The following ELOVL7 variants were observed in gnomAD, a reference collection of about 807,000 sequenced individuals.
ELOVL7 encodes very long chain fatty acid elongase 7.
Under a neutral mutation model 35.7 loss-of-function variants are expected in ELOVL7, and 27 were observed. That is an observed-to-expected ratio of 0.76 (90% CI 0.56 to 1.04). The LOEUF is 1.04. Ranked by LOEUF, ELOVL7 falls within the 50% of genes least tolerant of loss-of-function variation. The pLI is 0.00. For missense variants in ELOVL7, 327 were observed against 340.8 expected (o/e 0.96, Z 0.32); for synonymous variants, 113 against 114.6 (o/e 0.99, Z 0.09).
Position 60,771,948 on chromosome 5 carries a change from C to A in ELOVL7, c.210G>T (p.Thr70=), listed in dbSNP as rs373897782. 6 of 1,613,502 alleles carry A rather than the reference C, an allele frequency of 3.7e-6. No individual in the cohort carries two copies. The highest frequency in any genetic ancestry group is 5.1e-6 in the Non-Finnish European group (6 of 1,179,768). The change falls in exon 4 of 9, where the codon ACG becomes ACT. Residue 70 remains threonine, a synonymous_variant. Transcript: ENST00000508821. ...KPFELKKAMI[T]YNFFIVLFSV... ...AAAAGAGTACTATGAAAAAATTGTA[C>A]GTTATCATTGCTTTCTTGAGTTCAA...
chr5:60,796,414 G>A (rs1299723649), intron 2 of ELOVL7, among the ~76,000 whole-genome samples: 1 of 152,218 alleles, frequency 6.6e-6, no homozygotes, highest in Non-Finnish European at 1.5e-5. Flanking sequence ...TAGTTGTGGG[G>A]AAGTGTCCTG....
intron 3 of ELOVL7, among the ~76,000 whole-genome samples, chr5:60,779,212 A>G (rs1743087877): frequency 6.6e-6 from 1 of 152,144 alleles, no homozygotes; most frequent in Non-Finnish European, 1.5e-5. Context: ...CAAGCTGTCA[A>G]TGGATCTAGC....
rs1741340733 is a variant in ELOVL7 at position 60,752,821 on chromosome 5, T to G, written c.*1803A>C. ...AGCTGAGCATGGTGGCGGGCACCTG[T>G]AATCCCAGCTACTTGGGAGGCTGAG... On this transcript the variant is annotated 3_prime_UTR_variant, in exon 9 of 9. Coordinates refer to ENST00000508821, the MANE Select transcript of ELOVL7 (RefSeq NM_024930.3). 1 of 152,082 alleles carries G rather than the reference T, an allele frequency of 6.6e-6. No homozygotes were observed. Among genetic ancestry groups the G allele is most frequent in the South Asian group, 2.1e-4 (1 of 4,812 alleles). 9.4% of individuals were successfully genotyped at this position (152,082 alleles called of 1,614,324 possible). A position where few individuals can be genotyped will look rare whatever the true frequency, so the allele number is the denominator to read the frequency against.
At chr5:60,814,536 C>CT (rs1745413729) in intron 1 of ELOVL7, among the ~76,000 whole-genome samples, 1 of 152,202 alleles carries the variant, frequency 6.6e-6, no homozygotes, top group South Asian at 2.1e-4. Context: ...ATAACGCCCA[C>CT]TAACTGAAGG....
intron 1 of ELOVL7, 87 bp downstream of exon 1, chr5:60,844,073 T>G (rs1747352755): frequency 6.6e-6 from 1 of 152,202 alleles, no homozygotes; most frequent in East Asian, 1.9e-4. Flanking sequence ...GCCGTTCCCC[T>G]CGGCTCTGCC....
chr5:60,810,242 C>T (rs1038344095), intron 1 of ELOVL7, among the ~76,000 whole-genome samples: 1 of 152,188 alleles, frequency 6.6e-6, no homozygotes, highest in African/African-American at 2.4e-5. Flanking sequence ...GCAGGTTGGC[C>T]CAGTTTAAGG....
chr5:60,840,717 C>G (rs1453436639), intron 1 of ELOVL7, among the ~76,000 whole-genome samples: 1 of 152,186 alleles, frequency 6.6e-6, no homozygotes, highest in Non-Finnish European at 1.5e-5. Flanking sequence ...AGAAATCTGA[C>G]AGCATGTATT....
intron 7 of ELOVL7, among the ~76,000 whole-genome samples, chr5:60,759,958 G>A (rs926340450): frequency 6.6e-6 from 1 of 152,126 alleles, no homozygotes; most frequent in Non-Finnish European, 1.5e-5. Flanking sequence ...TCCCTACAAA[G>A]GACATGAACT....
rs188919033 is a variant in ELOVL7 at position 60,807,988 on chromosome 5, G to A, written c.-85-8758C>T. ...CACTCCAGCCTGGGCGTGAGACTCC[G>A]TCTCAAAAAAAAAAAAAAAAAAAAA... On this transcript the variant is annotated intron_variant, in intron 1 of 8. Transcript: ENST00000508821. Among the ~76,000 whole-genome samples the A allele has an allele frequency of 9.7e-5, 7 of 71,840 alleles. No individual in the cohort carries two copies. The East Asian group carries it at 2.3e-3, about 24-fold the overall frequency. 47.1% of individuals were successfully genotyped at this position (71,840 alleles called of 152,430 possible).
rs138328648 is a variant in ELOVL7 at position 60,798,843 on chromosome 5, G to A, written c.-35+337C>T. Among the ~76,000 whole-genome samples the A allele has an allele frequency of 2.7e-4, 41 of 152,238 alleles. 1 individual carries two copies. Among genetic ancestry groups the A allele is most frequent in the African/African-American group, 8.2e-4 (34 of 41,538 alleles). ...AGGAAACATTGAACTTGAAGTACGC[G>A]TTAGACTAAATGAACTTAACAGACA... On this transcript the variant is annotated intron_variant, in intron 2 of 8. Coordinates refer to ENST00000508821, the MANE Select transcript of ELOVL7 (RefSeq NM_024930.3).
rs948087739 is a variant in ELOVL7 at position 60,826,094 on chromosome 5, G to A, written c.-86+18066C>T. Among the ~76,000 whole-genome samples the A allele has an allele frequency of 4.6e-5, 7 of 152,102 alleles. 1 individual carries two copies. Among genetic ancestry groups the A allele is most frequent in the Non-Finnish European group, 8.8e-5 (6 of 68,018 alleles). ...AATCTGAATACAGGGGAGGTATTAC[G>A]GTACATATACACCAAATAGTACGTA... On this transcript the variant is annotated intron_variant, in intron 1 of 8. Coordinates refer to ENST00000508821, the MANE Select transcript of ELOVL7 (RefSeq NM_024930.3).
At chr5:60,802,078 A>G (rs1744657244) in intron 1 of ELOVL7, among the ~76,000 whole-genome samples, 1 of 10,428 alleles carries the variant, frequency 9.6e-5, no homozygotes. Flanking sequence ...ATATATATAT[A>G]TATATATATA....
intron 1 of ELOVL7, among the ~76,000 whole-genome samples, chr5:60,801,821 GC>G (rs1744635222): frequency 6.6e-6 from 1 of 152,024 alleles, no homozygotes; most frequent in Admixed American, 6.6e-5. Flanking sequence ...ATCTCCTCCT[GC>G]CCTTGAATGT....
At chr5:60,786,330 A>G (rs185794172) in intron 3 of ELOVL7, among the ~76,000 whole-genome samples, 1 of 152,340 alleles carries the variant, frequency 6.6e-6, no homozygotes, top group East Asian at 1.9e-4. Context: ...AAAGCAACAC[A>G]ACATATTTGT....
intron 4 of ELOVL7, among the ~76,000 whole-genome samples, chr5:60,769,409 C>T (rs538465675): frequency 1.3e-5 from 2 of 152,282 alleles, no homozygotes; most frequent in African/African-American, 4.8e-5. Flanking sequence ...TGAGACTTGG[C>T]CTTCTGTTGG....
At chr5:60,801,584 A>T (rs141071996) in intron 1 of ELOVL7, among the ~76,000 whole-genome samples, 1,700 of 152,004 alleles carry the variant, frequency 0.011, 17 homozygotes, top group South Asian at 0.042. Context: ...ACACCTGTGG[A>T]TTCAGCTATA....
At chr5:60,817,608 TTA>T (rs1206291010) in intron 1 of ELOVL7, among the ~76,000 whole-genome samples, 69 of 147,580 alleles carry the variant, frequency 4.7e-4, no homozygotes, top group Non-Finnish European at 8.8e-4. Context: ...AGTATATATA[TTA>T]GTTTATATTT....
At chr5:60,770,892 G>T (rs1352774753) in intron 4 of ELOVL7, among the ~76,000 whole-genome samples, 1 of 152,122 alleles carries the variant, frequency 6.6e-6, no homozygotes, top group African/African-American at 2.4e-5. Context: ...TAGACACAAG[G>T]TCTCCCTATG....
At chr5:60,837,505 C>T (rs1428468021) in intron 1 of ELOVL7, among the ~76,000 whole-genome samples, 1 of 152,100 alleles carries the variant, frequency 6.6e-6, no homozygotes, top group Non-Finnish European at 1.5e-5. Context: ...TAAAAGATGA[C>T]AAACCTTTCA....
Sources: gnomAD v4.1 joint callset for allele counts (sites outside exome capture counted in the v4.1 genomes callset) on GRCh38, gnomAD v4.1.1 for gene constraint, MANE v1.5 for transcripts, NCBI Gene and HGNC (gene_info 2026-07-23, HGNC 2026-07-21) for gene names.